Variants in DGKB observed in about 807,000 individuals in gnomAD.
DGKB encodes 90 kDa diacylglycerol kinase.
Under a neutral mutation model 114.3 loss-of-function variants are expected in DGKB, and 67 were observed. That is an observed-to-expected ratio of 0.59 (90% CI 0.48 to 0.72). The LOEUF (loss-of-function observed/expected upper bound fraction) is 0.72. Ranked by LOEUF, DGKB falls within the 30% of genes least tolerant of loss-of-function variation. DGKB has a pLI of 0.00. For missense variants in DGKB, 907 were observed against 975.2 expected, an observed-to-expected ratio of 0.93 and a Z score of 0.93; for synonymous variants, 398 against 323.1, an observed-to-expected ratio of 1.23 and a Z score of -2.49.
chr7:14,531,936 T>G (rs545399747), intron 20 of DGKB, among the ~76,000 whole-genome samples: 15 of 151,302 alleles, frequency 9.9e-5, no homozygotes, highest in African/African-American at 3.6e-4. Context: ...AATAGAACTT[T>G]TATCATGCTA....
chr7:14,538,285 C>CA (rs1272901097), intron 20 of DGKB, among the ~76,000 whole-genome samples: 1 of 151,570 alleles, frequency 6.6e-6, no homozygotes, highest in Admixed American at 6.6e-5. Flanking sequence ...ACAAAATAAA[C>CA]AAAAAACAAC....
chr7:14,795,049 C>T (rs935980006), intron 2 of DGKB, among the ~76,000 whole-genome samples: 1 of 152,164 alleles, frequency 6.6e-6, no homozygotes, highest in Non-Finnish European at 1.5e-5. Flanking sequence ...TGCTTCTAGA[C>T]CTATAATTAG....
chr7:14,671,666 T>G (rs1335131973), intron 13 of DGKB, among the ~76,000 whole-genome samples: 1 of 152,038 alleles, frequency 6.6e-6, no homozygotes, highest in East Asian at 1.9e-4. Flanking sequence ...CTGAATTGAG[T>G]GGGGTCTTGC....
chr7:14,202,985 T>C (rs1180548316), intron 23 of DGKB, among the ~76,000 whole-genome samples: 1 of 151,812 alleles, frequency 6.6e-6, no homozygotes, highest in African/African-American at 2.4e-5. Flanking sequence ...TCCAAGCTAT[T>C]TTCATACATT....
intron 20 of DGKB, among the ~76,000 whole-genome samples, chr7:14,523,289 G>C (rs1790080840): frequency 6.6e-6 from 1 of 152,036 alleles, no homozygotes; most frequent in African/African-American, 2.4e-5. Context: ...AGGCATCATG[G>C]AGACCACCTA....
intron 2 of DGKB, among the ~76,000 whole-genome samples, chr7:14,822,467 A>C (rs1845079159): frequency 6.6e-6 from 1 of 152,144 alleles, no homozygotes; most frequent in Non-Finnish European, 1.5e-5. Flanking sequence ...TTGGGGGAGA[A>C]ATGATTGGTT....
chr7:14,926,750 G>C (rs570677833), intron 1 of DGKB, among the ~76,000 whole-genome samples: 1 of 151,968 alleles, frequency 6.6e-6, no homozygotes, highest in East Asian at 1.9e-4. Context: ...ATCTCTGAAA[G>C]TGAATCTGGT....
At chr7:14,291,597 T>C (rs1801776417) in intron 23 of DGKB, among the ~76,000 whole-genome samples, 1 of 150,838 alleles carries the variant, frequency 6.6e-6, no homozygotes, top group Non-Finnish European at 1.5e-5. Flanking sequence ...TGATCTCTAA[T>C]AGAAGCTTGA....
intron 1 of DGKB, among the ~76,000 whole-genome samples, chr7:14,852,046 C>A (rs1399055027): frequency 6.6e-6 from 1 of 152,022 alleles, no homozygotes; most frequent in Non-Finnish European, 1.5e-5. Flanking sequence ...CACAGTAAAA[C>A]GATTATTTTA....
chr7:14,848,160 C>T (rs1586892594), intron 1 of DGKB, among the ~76,000 whole-genome samples: 1 of 152,072 alleles, frequency 6.6e-6, no homozygotes. Flanking sequence ...AGAGGCTGTT[C>T]CAATATTGTG....
In DGKB at chr7:14,701,065, C is replaced by T. The variant is rs143749065; in HGVS notation, c.516+616G>A. On this transcript the variant is annotated intron_variant, in intron 7 of 25. Transcript: ENST00000402815. Reference sequence around the variant, plus strand: ...ATGATTTCCATATATTACAAATAAACGTTTAATTATTCCCTTCAGTTAATC... The same window carrying T: ...ATGATTTCCATATATTACAAATAAATGTTTAATTATTCCCTTCAGTTAATC... Among the ~76,000 whole-genome samples, 1,267 of 151,956 alleles carry T rather than the reference C, an allele frequency of 8.3e-3. 21 individuals are homozygous for T. The highest frequency in any genetic ancestry group is 0.028 in the African/African-American group (1,168 of 41,478).
intron 21 of DGKB, among the ~76,000 whole-genome samples, chr7:14,465,219 G>T (rs143174468): frequency 1.3e-5 from 2 of 151,336 alleles, no homozygotes; most frequent in East Asian, 1.9e-4. Flanking sequence ...AGGCCCAAAG[G>T]CTTTACAAGA....
At chr7:14,395,569 A>C (rs1455025773) in intron 21 of DGKB, among the ~76,000 whole-genome samples, 1 of 151,898 alleles carries the variant, frequency 6.6e-6, no homozygotes, top group Non-Finnish European at 1.5e-5. Flanking sequence ...TTAAACAAGA[A>C]TTTTAGCATT....
chr7:14,509,777 C>T (rs1477001831), intron 20 of DGKB, among the ~76,000 whole-genome samples: 1 of 152,232 alleles, frequency 6.6e-6, no homozygotes, highest in Admixed American at 6.5e-5. Flanking sequence ...TCCTTTGTCT[C>T]CGCCAGACTC....
At chr7:14,366,351 G>A (rs933887563) in intron 21 of DGKB, among the ~76,000 whole-genome samples, 1 of 152,124 alleles carries the variant, frequency 6.6e-6, no homozygotes, top group Admixed American at 6.6e-5. Context: ...TTCAGGTAAT[G>A]TTATGCAGTA....
intron 7 of DGKB, among the ~76,000 whole-genome samples, chr7:14,699,522 A>C (rs1470580335): frequency 6.6e-6 from 1 of 152,198 alleles, no homozygotes; most frequent in Non-Finnish European, 1.5e-5. Flanking sequence ...ATTATACAAA[A>C]GGCATTTATT....
intron 9 of DGKB, among the ~76,000 whole-genome samples, chr7:14,691,945 C>T (rs562742931): frequency 2.6e-5 from 4 of 151,632 alleles, no homozygotes; most frequent in Non-Finnish European, 2.9e-5. Flanking sequence ...TTTACAAATA[C>T]TATTAAAAAG....
chr7:14,172,235 A>G (rs1461452408), intron 25 of DGKB, among the ~76,000 whole-genome samples: 1 of 151,820 alleles, frequency 6.6e-6, no homozygotes, highest in African/African-American at 2.4e-5. Context: ...CTCAAACCAC[A>G]TTTTATCAGA....
chr7:14,397,756 T>C (rs985665565), intron 21 of DGKB, among the ~76,000 whole-genome samples: 2 of 151,824 alleles, frequency 1.3e-5, no homozygotes, highest in African/African-American at 4.8e-5. Context: ...TTAGCTTTCA[T>C]GCAAAAAAAA....
Sources: gnomAD v4.1 joint callset for allele counts (sites outside exome capture counted in the v4.1 genomes callset) on GRCh38, gnomAD v4.1.1 for gene constraint, MANE v1.5 for transcripts, NCBI Gene and HGNC (gene_info 2026-07-23, HGNC 2026-07-21) for gene names.